Variants in APOB observed in about 807,000 individuals in gnomAD.
The protein encoded by APOB is apolipoprotein B-100.
A neutral mutation model predicts 314.1 loss-of-function variants in APOB; 153 were observed. That is an observed-to-expected ratio of 0.49 (90% confidence interval 0.43 to 0.56). The LOEUF (loss-of-function observed/expected upper bound fraction) is 0.56, where lower values mean the gene tolerates loss of function less well. APOB is among the 20% of genes least tolerant of loss of function. The probability of loss-of-function intolerance (pLI) is 0.00; values close to 1 mark genes in which losing one functional copy is unlikely to be tolerated. For synonymous variants in APOB, 2,087 were observed against 2,036.4 expected, an observed-to-expected ratio of 1.02 and a Z score of -0.67; for missense variants, 5,430 against 5,350.7, an observed-to-expected ratio of 1.01 and a Z score of -0.46.
rs747364777 is a variant in APOB, at chr2:21,011,173, C to A, written c.5695G>T (p.Val1899Leu). 6.2e-7 allele frequency: 1 copy of A among 1,614,184 alleles called. No individual in the cohort carries two copies. Among genetic ancestry groups the A allele is most frequent in the African/African-American group, 1.3e-5 (1 of 75,042 alleles). Residue 1899 changes from valine (V) to leucine (L), a missense_variant, in exon 26 of 29, where the codon GTA (valine) becomes TTA (leucine). This residue lies in a region of APOB where 3,281 missense variants were observed against 3,171.0 expected (regional missense o/e 1.03). Coordinates refer to ENST00000233242, the MANE Select transcript of APOB (RefSeq NM_000384.3). ...ATGGTCATGGTAAACGGGGCCATTA[C>A]AGAACGGAAGACATTGCTGAAATGC... Reference protein sequence around the residue: ...SLHFSNVFRSVMAPFTMTIDA... With the variant: ...SLHFSNVFRSLMAPFTMTIDA...
In APOB at chr2:21,019,934, T is replaced by C. The variant is rs202118660; in HGVS notation, c.2817-29A>G. ...GTGAAGAACAAAAATACCTGAGTTA[T>C]TGCCAAGTCATGAATCAAAATGGAC... is the stretch of plus-strand genomic sequence containing the variant. On this transcript the variant is annotated intron_variant, in intron 18 of 28. Coordinates refer to ENST00000233242, the MANE Select transcript of APOB (RefSeq NM_000384.3). The C allele has an allele frequency of 7.5e-6, 12 of 1,610,334 alleles. No individual in the cohort carries two copies. The African/African-American group carries it at 1.3e-4, about 18-fold the overall frequency.
chr2:21,014,697 G>T, intron 23 of APOB, 104 bp from the exon 24 acceptor site: 1 of 1,187,630 alleles, frequency 8.4e-7, no homozygotes, highest in South Asian at 1.3e-5. Context: ...TTATTAAGCT[G>T]GACAATGCAC....
Position 21,009,626 on chromosome 2 carries a change from T to G in APOB, c.7242A>C (p.Glu2414Asp), listed in dbSNP as rs72653091. Residue 2414 changes from glutamate to aspartate, a missense_variant, in exon 26 of 29, where the codon GAA (glutamate) becomes GAC (aspartate). This residue lies in a region of APOB where 3,281 missense variants were observed against 3,171.0 expected (regional missense o/e 1.03). Coordinates refer to ENST00000233242, the MANE Select transcript of APOB (RefSeq NM_000384.3). ...LNELSFKTFI[E>D]DVNKFLDMLI... ...ACATGTCAAGGAATTTGTTAACATC[T>G]TCAATGAATGTTTTAAAAGATAATT... The G allele has an allele frequency of 3.8e-4, 621 of 1,613,872 alleles. 1 individual carries two copies. In the African/African-American group the frequency reaches 7.4e-3, roughly 19 times the overall value.
chr2:21,041,187 T>C, intron 3 of APOB, 104 bp from the exon 4 acceptor site: 1 of 1,230,754 alleles, frequency 8.1e-7, no homozygotes, highest in Non-Finnish European at 1.2e-6. Context: ...AAGGGAATGG[T>C]GCTGGGAACA....
At position 21,001,639 on chromosome 2, in the gene APOB, G is replaced by T; in HGVS notation, c.*91C>A. The stretch of plus-strand genomic sequence containing the variant: ...CTACTGCAAGGCTGGCTCACTGTAT[G>T]GTTTTATCAATATAGGCAGTTTGAA... On this transcript the variant is annotated 3_prime_UTR_variant, in exon 29 of 29. Transcript: ENST00000233242. 1 of 1,324,694 alleles carries T rather than the reference G, an allele frequency of 7.5e-7. No individual in the cohort carries two copies. Among genetic ancestry groups the T allele is most frequent in the Non-Finnish European group, 1.1e-6 (1 of 929,916 alleles). 82.1% of individuals were successfully genotyped at this position (1,324,694 alleles called of 1,614,324 possible).
intron 15 of APOB, among the ~76,000 whole-genome samples, chr2:21,026,572 A>G (rs1312944842): frequency 1.3e-5 from 2 of 152,114 alleles, no homozygotes; most frequent in South Asian, 4.1e-4. Context: ...TTGTTATCCT[A>G]GAGTACTTAT....
At position 21,037,153 on chromosome 2, in the gene APOB, G is replaced by A. The variant is rs763352655; in HGVS notation, c.640C>T (p.Arg214Cys). Reference protein sequence around the residue: ...STERDLGQCDRFKPIRTGISP... With the variant: ...STERDLGQCDCFKPIRTGISP... Reference sequence around the variant, plus strand: ...ATGCCTGTGCGGATGGGCTTGAAGCGATCACACTGCCCCAGGTCTCTTTCA... The same window carrying A: ...ATGCCTGTGCGGATGGGCTTGAAGCAATCACACTGCCCCAGGTCTCTTTCA... The change falls in exon 6 of 29, where the codon CGC becomes TGC. Residue 214 changes from arginine (R) to cysteine (C), a missense_variant. By Grantham distance (180) the Arg-to-Cys change is radical (BLOSUM62 -3). This residue lies in a region of APOB where 2,085 missense variants were observed against 2,079.7 expected (regional missense o/e 1.00). Transcript: ENST00000233242. 10 of 1,614,098 alleles carry A rather than the reference G, an allele frequency of 6.2e-6. No homozygotes were observed. The highest frequency in any genetic ancestry group is 3.3e-5 in the Admixed American group (2 of 60,000).
Position 21,006,308 on chromosome 2 carries a change from G to A in APOB, c.10560C>T (p.Tyr3520=), listed in dbSNP as rs140768269. The part of the protein sequence containing the change: ...SGTIASEANT[Y]LNSKSTRSSV... ...AAGACCGTGTGCTCTTGGAATTCAA[G>A]TAAGTGTTGGCCTCACTAGCAATAG... The change falls in exon 26 of 29, where the codon TAC becomes TAT. Residue 3520 remains tyrosine (Y), a synonymous_variant. Transcript: ENST00000233242. 2 of 1,614,058 alleles carry A rather than the reference G, an allele frequency of 1.2e-6. No individual in the cohort carries two copies. Among genetic ancestry groups the A allele is most frequent in the Non-Finnish European group, 1.7e-6 (2 of 1,179,978 alleles).
chr2:21,023,040 C>T lies in APOB; in HGVS notation c.2607G>A (p.Met869Ile), dbSNP rs1480651709. ...KAGVKLEVAN[M>I]QAELVAKPSV... is the part of the protein sequence containing the mutation. ...AGGGTTTTGCCACCAGTTCAGCCTG[C>T]ATCTATAAGTCAGAAAACAACCTAT... is the stretch of plus-strand genomic sequence containing the variant. Residue 869 changes from methionine (M) to isoleucine (I), a missense_variant and splice_region_variant, in exon 18 of 29, where the codon ATG becomes ATA. Around this residue, in one of 3 missense-constraint regions of APOB, gnomAD observed 2,085 missense variants for 2,079.7 expected, o/e 1.00. Transcript: ENST00000233242. 1 of 1,614,006 alleles carries T rather than the reference C, an allele frequency of 6.2e-7. No individual in the cohort carries two copies. The highest frequency in any genetic ancestry group is 8.5e-7 in the Non-Finnish European group (1 of 1,179,900).
Position 21,009,219 on chromosome 2 carries a change from A to C in APOB, c.7649T>G (p.Ile2550Ser), listed in dbSNP as rs1164251637. ...AGCAGCAAGAGTCCACCAATCAGAA[A>C]TGTAGGTGACAAGTGTGCTATAAAC... ...GQVYSTLVTY[I>S]SDWWTLAAKN... The change falls in exon 26 of 29, where the codon ATT becomes AGT. Residue 2550 changes from isoleucine (I) to serine (S), a missense_variant. This residue lies in a region of APOB where 3,281 missense variants were observed against 3,171.0 expected (regional missense o/e 1.03). Coordinates refer to ENST00000233242, the MANE Select transcript of APOB (RefSeq NM_000384.3). The C allele has an allele frequency of 1.2e-6, 2 of 1,613,998 alleles. No homozygotes were observed. The highest frequency in any genetic ancestry group is 1.7e-6 in the Non-Finnish European group (2 of 1,179,964).
rs1663347383 is a variant in APOB at position 21,012,317 on chromosome 2, C to T, written c.4551G>A (p.Glu1517=). Residue 1517 remains glutamate (E), a synonymous_variant, in exon 26 of 29, where the codon GAG becomes GAA. Coordinates refer to ENST00000233242, the MANE Select transcript of APOB (RefSeq NM_000384.3). The part of the protein sequence containing the change: ...RDPNTGRLNG[E]SNLRFNSSYL... ...AGGAGGAGTTAAACCTCAGGTTGGA[C>T]TCTCCATTGAGCCGGCCAGTGTTAG... is the stretch of plus-strand genomic sequence containing the variant. The T allele has an allele frequency of 1.9e-6, 3 of 1,614,156 alleles. No homozygotes were observed. The highest frequency in any genetic ancestry group is 2.5e-6 in the Non-Finnish European group (3 of 1,180,034).
chr2:21,038,587 C>T (rs566343467), intron 4 of APOB, among the ~76,000 whole-genome samples: 12 of 152,322 alleles, frequency 7.9e-5, no homozygotes, highest in Admixed American at 2.0e-4. Context: ...TCTCCCTCCT[C>T]GGCCTCCCAA....
chr2:21,001,477 T>A lies in APOB; in HGVS notation c.*253A>T. ...TTTATTTGTTCCTCCTCCCCCAAGTTTAGCAAAATAACTCAGATCCTGATT... is the reference window on the plus strand; with the variant it reads ...TTTATTTGTTCCTCCTCCCCCAAGTATAGCAAAATAACTCAGATCCTGATT... On this transcript the variant is annotated 3_prime_UTR_variant, in exon 29 of 29. Transcript: ENST00000233242. The A allele has an allele frequency of 2.1e-6, 1 of 467,744 alleles. No individual in the cohort carries two copies. Among genetic ancestry groups the A allele is most frequent in the Non-Finnish European group, 3.8e-6 (1 of 263,002 alleles). 29.0% of individuals were successfully genotyped at this position (467,744 alleles called of 1,614,324 possible). A position where few individuals can be genotyped will look rare whatever the true frequency, so the allele number is the denominator to read the frequency against.
Position 21,005,750 on chromosome 2 carries a change from A to G in APOB, c.11118T>C (p.Thr3706=), listed in dbSNP as rs1663114916. The G allele has an allele frequency of 2.5e-6, 4 of 1,613,994 alleles. No individual in the cohort carries two copies. Among genetic ancestry groups the G allele is most frequent in the Non-Finnish European group, 3.4e-6 (4 of 1,179,950 alleles). Residue 3706 remains threonine (T), a synonymous_variant, in exon 26 of 29, where the codon ACT becomes ACC. Transcript: ENST00000233242. ...IGRRQHLRVS[T]AFVYTKNPNG... ...TGGGGTTTTTGGTGTACACAAAGGC[A>G]GTTGAAACACGAAGATGCTGTCTCC...
chr2:21,007,057 C>T lies in APOB; in HGVS notation c.9811G>A (p.Gly3271Ser), dbSNP rs142422341. 1.8e-4 allele frequency: 289 copies of T among 1,613,928 alleles called. No individual in the cohort carries two copies. The highest frequency in any genetic ancestry group is 2.5e-4 in the Admixed American group (15 of 59,972). Residue 3271 changes from glycine to serine, a missense_variant, in exon 26 of 29, where the codon GGC (glycine) becomes AGC (serine). By Grantham distance (56) the Gly-to-Ser change is moderately conservative. Coordinates refer to ENST00000233242, the MANE Select transcript of APOB (RefSeq NM_000384.3). ...SPFTIEMSAFGYVFPKAVSMP... is the reference protein window; with the variant it reads ...SPFTIEMSAFSYVFPKAVSMP... ...CTGACTGCTTTTGGGAACACATAGC[C>T]GAATGCCGACATCTCTATGGTGAAT...
In APOB at chr2:21,011,300, AAC is replaced by A. The variant is rs121918384; in HGVS notation, c.5566_5567del (p.Val1856CysfsTer2). 28 of 1,614,232 alleles carry A rather than the reference AAC, an allele frequency of 1.7e-5. No homozygotes were observed. Among genetic ancestry groups the A allele is most frequent in the Non-Finnish European group, 2.4e-5 (28 of 1,180,028 alleles). On this transcript the variant is annotated frameshift_variant, in exon 26 of 29. Coordinates refer to ENST00000233242, the MANE Select transcript of APOB (RefSeq NM_000384.3). LOFTEE classifies it high-confidence loss of function. ...TAAACTCCACACCCTGAACCTTAGCAACAGTGTCTGCTTTATAGCTTGCTGAT... is the reference window on the plus strand; with the variant it reads ...TAAACTCCACACCCTGAACCTTAGCAAGTGTCTGCTTTATAGCTTGCTGAT... The part of the protein sequence containing the change: ...ALSASYKADT[V>X]AKVQGVEFSH...
Position 21,019,974 on chromosome 2 carries a change from GGGTGCAA to G in APOB, c.2817-76_2817-70del, listed in dbSNP as rs549781333. 1.1e-3 allele frequency: 1,665 copies of G among 1,464,888 alleles called. 37 individuals are homozygous for G. In the South Asian group the frequency reaches 0.018, roughly 16 times the overall value. The allele number at this position is 1,464,888 out of a possible 1,614,324, so 90.7% of individuals were successfully genotyped here. ...TCAAAATGGACATCACAAATTCTCA[GGGTGCAA>G]ATACCCCCTTATCCTCCTGTCTTCC... is the stretch of plus-strand genomic sequence containing the variant. On this transcript the variant is annotated intron_variant, in intron 18 of 28. Coordinates refer to ENST00000233242, the MANE Select transcript of APOB (RefSeq NM_000384.3).
Position 21,025,054 on chromosome 2 carries a change from T to C in APOB, c.2315A>G (p.Glu772Gly), listed in dbSNP as rs1275739525. Residue 772 changes from glutamate to glycine, a missense_variant, in exon 16 of 29, where the codon GAA becomes GGA. Around this residue, in one of 3 missense-constraint regions of APOB, gnomAD observed 2,085 missense variants for 2,079.7 expected, o/e 1.00. Coordinates refer to ENST00000233242, the MANE Select transcript of APOB (RefSeq NM_000384.3). ...CAAGATGCGGAGGTAGGCTCTGGCT[T>C]CCGGGACTTCTTTGGATTTCAAATC... ...IKDLKSKEVP[E>G]ARAYLRILGE... 1 of 1,614,244 alleles carries C rather than the reference T, an allele frequency of 6.2e-7. No homozygotes were observed. The highest frequency in any genetic ancestry group is 2.2e-5 in the East Asian group (1 of 44,884).
In APOB at chr2:21,007,197, T is replaced by C. The variant is rs1663168031; in HGVS notation, c.9671A>G (p.Asn3224Ser). Residue 3224 changes from asparagine (N) to serine (S), a missense_variant, in exon 26 of 29, where the codon AAT becomes AGT. Transcript: ENST00000233242. ...NALDFVTKSY[N>S]ETKIKFDKYK... ...CTTATCAAACTTAATTTTTGTTTCA[T>C]TATAGGATTTGGTGACAAAATCTAA... is the stretch of plus-strand genomic sequence containing the variant. The C allele has an allele frequency of 6.2e-7, 1 of 1,613,920 alleles. No individual in the cohort carries two copies. The highest frequency in any genetic ancestry group is 8.5e-7 in the Non-Finnish European group (1 of 1,179,930).
Sources: gnomAD v4.1 joint callset for allele counts (sites outside exome capture counted in the v4.1 genomes callset) on GRCh38, gnomAD v4.1.1 for gene constraint, gnomAD v4.1.1 regional missense constraint, MANE v1.5 for transcripts, NCBI Gene and HGNC (gene_info 2026-07-23, HGNC 2026-07-21) for gene names.